The following ARB2A variants were observed in gnomAD, a reference collection of about 807,000 sequenced individuals.
The protein encoded by ARB2A is ARB2 cotranscriptional regulator A.
chr5:94,000,948 C>T, the ARB2A span, among the ~76,000 whole-genome samples: 1 of 152,188 alleles, frequency 6.6e-6, no homozygotes, highest in African/African-American at 2.4e-5. Flanking sequence ...TATCAAAAAT[C>T]AGTTGACCAT....
At chr5:93,643,204 C>T in the ARB2A span, among the ~76,000 whole-genome samples, 4 of 152,138 alleles carry the variant, frequency 2.6e-5, no homozygotes, top group African/African-American at 7.2e-5. Context: ...TCTGCTATTT[C>T]CGGATACATC....
chr5:93,959,781 A>G, the ARB2A span, among the ~76,000 whole-genome samples: 2 of 152,208 alleles, frequency 1.3e-5, no homozygotes, highest in Non-Finnish European at 2.9e-5. Flanking sequence ...TAGATTGTTA[A>G]CTATATGATG....
chr5:93,819,843 A>C, the ARB2A span, among the ~76,000 whole-genome samples: 1 of 152,368 alleles, frequency 6.6e-6, no homozygotes, highest in East Asian at 1.9e-4. Context: ...AGGGCAGCTT[A>C]GGCTGCCTGG....
At chr5:93,929,520 T>A in the ARB2A span, among the ~76,000 whole-genome samples, 4 of 152,150 alleles carry the variant, frequency 2.6e-5, no homozygotes, top group African/African-American at 9.6e-5. Flanking sequence ...GTATAATTAT[T>A]GGCTTATTCA....
the ARB2A span, among the ~76,000 whole-genome samples, chr5:93,758,582 C>G: frequency 6.6e-6 from 1 of 152,056 alleles, no homozygotes; most frequent in African/African-American, 2.4e-5. Flanking sequence ...AAAATCAACT[C>G]CAAAAGGAAC....
chr5:93,926,706 G>A, the ARB2A span, among the ~76,000 whole-genome samples: 1 of 151,892 alleles, frequency 6.6e-6, no homozygotes, highest in Non-Finnish European at 1.5e-5. Flanking sequence ...CAATCCTAAG[G>A]CAGGATATGT....
At chr5:94,082,830 C>T in the ARB2A span, among the ~76,000 whole-genome samples, 14 of 152,112 alleles carry the variant, frequency 9.2e-5, no homozygotes, top group Middle Eastern at 3.4e-3. Context: ...GAGAAGGCTT[C>T]ATATTGCTGT....
At chr5:93,856,813 C>T in the ARB2A span, among the ~76,000 whole-genome samples, 3 of 151,920 alleles carry the variant, frequency 2.0e-5, no homozygotes, top group African/African-American at 7.3e-5. Context: ...AGCTTTGTTC[C>T]GTTACTGGTG....
At chr5:93,943,432 TTC>T in the ARB2A span, among the ~76,000 whole-genome samples, 2 of 152,148 alleles carry the variant, frequency 1.3e-5, no homozygotes, top group African/African-American at 4.8e-5. Context: ...TTCATATTTT[TTC>T]TCTGAGCCCT....
chr5:94,101,548 A>G, the ARB2A span, among the ~76,000 whole-genome samples: 61 of 152,334 alleles, frequency 4.0e-4, no homozygotes, highest in Non-Finnish European at 7.6e-4. Context: ...CTAAATGCCC[A>G]TCAATGACAG....
chr5:93,873,711 A>G, the ARB2A span, among the ~76,000 whole-genome samples: 2 of 152,218 alleles, frequency 1.3e-5, no homozygotes, highest in Non-Finnish European at 1.5e-5. Flanking sequence ...GAAAATGCAT[A>G]TAATAGTGAC....
chr5:93,864,332 A>C, the ARB2A span, among the ~76,000 whole-genome samples: 1 of 152,184 alleles, frequency 6.6e-6, no homozygotes, highest in South Asian at 2.1e-4. Flanking sequence ...AAAAGAAGAA[A>C]ATAATTAGTT....
At chr5:93,965,541 A>T in the ARB2A span, among the ~76,000 whole-genome samples, 1 of 152,046 alleles carries the variant, frequency 6.6e-6, no homozygotes, top group Non-Finnish European at 1.5e-5. Context: ...ATAGCAGCAA[A>T]AGAAAATCAA....
the ARB2A span, among the ~76,000 whole-genome samples, chr5:94,089,960 T>G: frequency 6.6e-6 from 1 of 152,152 alleles, no homozygotes; most frequent in Non-Finnish European, 1.5e-5. Flanking sequence ...TCAAGAATCT[T>G]ACTATGATTT....
chr5:93,734,272 T>C, the ARB2A span: 1 of 152,170 alleles, frequency 6.6e-6, no homozygotes, highest in South Asian at 2.1e-4. Context: ...AAAATGCAAC[T>C]CAGGGCCTTC....
the ARB2A span, among the ~76,000 whole-genome samples, chr5:93,848,164 C>A: frequency 6.6e-6 from 1 of 152,118 alleles, no homozygotes; most frequent in Non-Finnish European, 1.5e-5. Context: ...GCAGGTGGAT[C>A]ACAAGGTCAA....
the ARB2A span, among the ~76,000 whole-genome samples, chr5:93,634,060 G>A: frequency 6.6e-6 from 1 of 152,106 alleles, no homozygotes; most frequent in Admixed American, 6.5e-5. Context: ...ACTGGGCTTG[G>A]TCGCAAATCT....
At chr5:93,739,586 C>T in the ARB2A span, 1 of 152,024 alleles carries the variant, frequency 6.6e-6, no homozygotes, top group African/African-American at 2.4e-5. Flanking sequence ...CACAGAGGTA[C>T]TAAATGGTTT....
chr5:93,874,809 T>C, the ARB2A span, among the ~76,000 whole-genome samples: 7 of 152,064 alleles, frequency 4.6e-5, no homozygotes, highest in East Asian at 3.9e-4. Flanking sequence ...CCAACAGAAA[T>C]TGCAGAATTG....
Sources: allele counts gnomAD v4.1 joint callset (sites outside exome capture counted in the v4.1 genomes callset), GRCh38; gene constraint gnomAD v4.1.1; transcripts MANE v1.5; gene names NCBI Gene and HGNC (gene_info 2026-07-23, HGNC 2026-07-21).